ZNF436: variants seen among roughly 807,000 people sequenced by gnomAD.
ZNF436 encodes the protein DNA-binding protein.
A neutral mutation model predicts 41.9 loss-of-function variants in ZNF436; 22 were observed. The observed-to-expected ratio is 0.53, with a 90% CI of 0.38 to 0.75. ZNF436 has a LOEUF of 0.75. Among genes scored for constraint, ZNF436 ranks in the 30% least tolerant of loss-of-function variants. ZNF436 has a pLI of 0.00. For synonymous variants in ZNF436, 217 were observed against 197.8 expected (o/e 1.10, Z -0.82); for missense variants, 506 against 587.3 (o/e 0.86, Z 1.43).
intron 3 of ZNF436, among the ~76,000 whole-genome samples, chr1:23,363,736 GATTC>G (rs1225840692): frequency 6.6e-6 from 1 of 152,130 alleles, no homozygotes; most frequent in Non-Finnish European, 1.5e-5. Context: ...TGTAATTAAT[GATTC>G]ATTAAGAAAA....
In ZNF436 at chr1:23,367,045, G is replaced by A; in HGVS notation, c.157C>T (p.Leu53=). 1.9e-6 allele frequency: 3 copies of A among 1,613,042 alleles called. No homozygotes were observed. Among genetic ancestry groups the A allele is most frequent in the Non-Finnish European group, 2.5e-6 (3 of 1,179,596 alleles). Residue 53 remains leucine (L), a synonymous_variant, in exon 3 of 4, where the codon CTA becomes TTA. Coordinates refer to ENST00000314011, the MANE Select transcript of ZNF436 (RefSeq NM_001077195.2). ...GAAAGGTAGAATCCTTACTTACCTA[G>A]TGAGACAACATTTCCATAATTCTCC... is the stretch of plus-strand genomic sequence containing the variant. ...MQENYGNVVS[L]DFEIRSENEV... is the part of the protein sequence containing the mutation.
In ZNF436 at chr1:23,369,579, G is replaced by T. The variant is rs1221545498; in HGVS notation, c.-274C>A. 1.9e-6 allele frequency: 1 copy of T among 532,734 alleles called. No individual in the cohort carries two copies. Among genetic ancestry groups the T allele is most frequent in the Non-Finnish European group, 3.9e-6 (1 of 258,358 alleles). The allele number at this position is 532,734 out of a possible 1,614,324, so 33.0% of individuals were successfully genotyped here. On this transcript the variant is annotated 5_prime_UTR_variant, in exon 1 of 4. The change creates a new upstream start codon in the 5' untranslated region. Transcript: ENST00000314011. ...ATCGTAGGCTGATCCTAAAGACTCA[G>T]ATTCCCGAGGCCTCAGACTCGCAGG...
In ZNF436 at chr1:23,369,758, A is replaced by G. The variant is rs1482212231; in HGVS notation, c.-453T>C. On this transcript the variant is annotated 5_prime_UTR_variant, in exon 1 of 4. Transcript: ENST00000314011. Reference sequence around the variant, plus strand: ...CCAGCCAGGATGAGGGAATTAGACAATGGAAGTCGAGCACTGGGGAAAGCA... The same window carrying G: ...CCAGCCAGGATGAGGGAATTAGACAGTGGAAGTCGAGCACTGGGGAAAGCA... 4 of 359,384 alleles carry G rather than the reference A, an allele frequency of 1.1e-5. No individual in the cohort carries two copies. Among genetic ancestry groups the G allele is most frequent in the African/African-American group, 8.6e-5 (4 of 46,662 alleles). 22.3% of individuals were successfully genotyped at this position (359,384 alleles called of 1,614,324 possible).
chr1:23,359,500 C>T lies in ZNF436; in HGVS notation c.*2469G>A, dbSNP rs1392611180. 3.3e-5 allele frequency: 5 copies of T among 152,130 alleles called. No homozygotes were observed. The highest frequency in any genetic ancestry group is 1.2e-4 in the African/African-American group (5 of 41,408). 9.4% of individuals were successfully genotyped at this position (152,130 alleles called of 1,614,324 possible). A position where few individuals can be genotyped will look rare whatever the true frequency, so the allele number is the denominator to read the frequency against. On this transcript the variant is annotated 3_prime_UTR_variant, in exon 4 of 4. Coordinates refer to ENST00000314011, the MANE Select transcript of ZNF436 (RefSeq NM_001077195.2). ...TAGAATATTGTTAGAATAATACAAACACTAGGATAACTGTGACCAATACCA... is the reference window on the plus strand; with the variant it reads ...TAGAATATTGTTAGAATAATACAAATACTAGGATAACTGTGACCAATACCA...
rs1252915134 is a variant in ZNF436 at position 23,360,505 on chromosome 1, C to G, written c.*1464G>C. On this transcript the variant is annotated 3_prime_UTR_variant, in exon 4 of 4. Transcript: ENST00000314011. Reference sequence around the variant, plus strand: ...CACTTGAGATATTTCTTAATTCCTACCTGGACTGAGATTAGGAAAACTGAC... The same window carrying G: ...CACTTGAGATATTTCTTAATTCCTAGCTGGACTGAGATTAGGAAAACTGAC... 1 of 152,172 alleles carries G rather than the reference C, an allele frequency of 6.6e-6. No homozygotes were observed. Among genetic ancestry groups the G allele is most frequent in the African/African-American group, 2.4e-5 (1 of 41,430 alleles). The allele number at this position is 152,172 out of a possible 1,614,324, so 9.4% of individuals were successfully genotyped here. A position where few individuals can be genotyped will look rare whatever the true frequency, so the allele number is the denominator to read the frequency against.
intron 3 of ZNF436, among the ~76,000 whole-genome samples, chr1:23,364,796 T>A (rs1638323113): frequency 6.6e-6 from 1 of 152,210 alleles, no homozygotes. Flanking sequence ...GACACTGCAT[T>A]CTCCAAATTG....
chr1:23,361,963 T>C lies in ZNF436; in HGVS notation c.*6A>G, dbSNP rs373012530. On this transcript the variant is annotated 3_prime_UTR_variant, in exon 4 of 4. Coordinates refer to ENST00000314011, the MANE Select transcript of ZNF436 (RefSeq NM_001077195.2). ...TGAATCATTTCTCAGCCATCATAATTACAGCTTAGTCCGTATGAACTCTCT... is the reference window on the plus strand; with the variant it reads ...TGAATCATTTCTCAGCCATCATAATCACAGCTTAGTCCGTATGAACTCTCT... 8 of 1,564,244 alleles carry C rather than the reference T, an allele frequency of 5.1e-6. No homozygotes were observed. The highest frequency in any genetic ancestry group is 6.9e-6 in the Non-Finnish European group (8 of 1,156,870).
rs911989299 is a variant in ZNF436 at position 23,367,032 on chromosome 1, CCTTA to C, written c.160+6_160+9del. The C allele has an allele frequency of 6.2e-7, 1 of 1,607,284 alleles. No individual in the cohort carries two copies. The highest frequency in any genetic ancestry group is 8.5e-7 in the Non-Finnish European group (1 of 1,177,582). The stretch of plus-strand genomic sequence containing the variant: ...ACGTGGAGGCAAAGAAAGGTAGAAT[CCTTA>C]CTTACCTAGTGAGACAACATTTCCA... On this transcript the variant is annotated splice_donor_region_variant and intron_variant, in intron 3 of 3. Coordinates refer to ENST00000314011, the MANE Select transcript of ZNF436 (RefSeq NM_001077195.2).
chr1:23,363,867 C>T (rs547201738), intron 3 of ZNF436, among the ~76,000 whole-genome samples: 1 of 152,120 alleles, frequency 6.6e-6, no homozygotes, highest in South Asian at 2.1e-4. Context: ...TAGGGAGAAC[C>T]CATCTCTACA....
In ZNF436 at chr1:23,367,228, A is replaced by T. The variant is rs532971079; in HGVS notation, c.34-60T>A. ...TTTAGGACTTCTTGAAATTAGAAAC[A>T]TGATTAGAAATATTCAGGAGGAAAA... On this transcript the variant is annotated intron_variant, in intron 2 of 3. Coordinates refer to ENST00000314011, the MANE Select transcript of ZNF436 (RefSeq NM_001077195.2). 3.4e-5 allele frequency: 52 copies of T among 1,508,736 alleles called. No individual in the cohort carries two copies. In the African/African-American group the frequency reaches 6.9e-4, roughly 20 times the overall value. 93.5% of individuals were successfully genotyped at this position (1,508,736 alleles called of 1,614,324 possible).
In ZNF436 at chr1:23,360,612, A is replaced by C. The variant is rs550228858; in HGVS notation, c.*1357T>G. 6.5e-6 allele frequency: 1 copy of C among 152,674 alleles called. No homozygotes were observed. The highest frequency in any genetic ancestry group is 2.1e-4 in the South Asian group (1 of 4,828). 9.5% of individuals were successfully genotyped at this position (152,674 alleles called of 1,614,324 possible). ...GGAGGATGGAAATACATTCCTACCG[A>C]GGTTCGTTAATTCCTTCTGACTAAG... On this transcript the variant is annotated 3_prime_UTR_variant, in exon 4 of 4. Transcript: ENST00000314011.
In ZNF436 at chr1:23,367,079, A is replaced by T; in HGVS notation, c.123T>A (p.Asp41Glu). ...CATTTCCATAATTCTCCTGCATAAC[A>T]TCCCGGTAAAGGTCCCTCTGTGCAG... ...LDAAQRDLYRDVMQENYGNVV... is the reference protein window; with the variant it reads ...LDAAQRDLYREVMQENYGNVV... Residue 41 changes from aspartate to glutamate, a missense_variant, in exon 3 of 4, where the codon GAT becomes GAA. Asp to Glu is a conservative substitution (Grantham distance 45). Transcript: ENST00000314011. The T allele has an allele frequency of 3.1e-6, 5 of 1,613,958 alleles. No individual in the cohort carries two copies. The highest frequency in any genetic ancestry group is 4.2e-6 in the Non-Finnish European group (5 of 1,179,918).
At chr1:23,367,294 A>G in intron 2 of ZNF436, 126 bp from the exon 3 acceptor site, 6 of 1,153,212 alleles carry the variant, frequency 5.2e-6, no homozygotes, top group Non-Finnish European at 7.0e-6. Context: ...TAAGAAATAA[A>G]CAAGCAAAAA....
chr1:23,362,342 G>A lies in ZNF436; in HGVS notation c.1040C>T (p.Ser347Leu), dbSNP rs1638257441. Residue 347 changes from serine (S) to leucine (L), a missense_variant, in exon 4 of 4, where the codon TCA becomes TTA. Transcript: ENST00000314011. Reference sequence around the variant, plus strand: ...AGTTCTCTGGTGCTGAACCAAGTGTGAGATGCGGCTGAAATTTTCCCCACA... The same window carrying A: ...AGTTCTCTGGTGCTGAACCAAGTGTAAGATGCGGCTGAAATTTTCCCCACA... ...NECGENFSRI[S>L]HLVQHQRTHT... 1 of 1,614,020 alleles carries A rather than the reference G, an allele frequency of 6.2e-7. No individual in the cohort carries two copies. Among genetic ancestry groups the A allele is most frequent in the Non-Finnish European group, 8.5e-7 (1 of 1,180,018 alleles).
At chr1:23,367,626 ACACTACAG>A (rs1638390541) in intron 2 of ZNF436, among the ~76,000 whole-genome samples, 1 of 152,146 alleles carries the variant, frequency 6.6e-6, no homozygotes, top group Non-Finnish European at 1.5e-5. Context: ...AGTGATTCCC[ACACTACAG>A]CACTTTGTTC....
chr1:23,368,152 A>G, intron 1 of ZNF436, 87 bp from the exon 2 acceptor site: 1 of 893,084 alleles, frequency 1.1e-6, no homozygotes, highest in East Asian at 2.7e-5. Context: ...CAAGGCGGGC[A>G]GGGAGGGCCC....
At chr1:23,368,126 G>T in intron 1 of ZNF436, 61 bp from the exon 2 acceptor site, 2 of 1,171,868 alleles carry the variant, frequency 1.7e-6, no homozygotes. Flanking sequence ...ACTCCCCAGG[G>T]CTGGAGTTCT....
In ZNF436 at chr1:23,369,153, T is replaced by C; in HGVS notation, c.-61+213A>G. 2 of 352,680 alleles carry C rather than the reference T, an allele frequency of 5.7e-6. 1 individual carries two copies. 21.8% of individuals were successfully genotyped at this position (352,680 alleles called of 1,614,324 possible). A position where few individuals can be genotyped will look rare whatever the true frequency, so the allele number is the denominator to read the frequency against. On this transcript the variant is annotated intron_variant, in intron 1 of 3. Transcript: ENST00000314011. ...GAAGCGGGTGGCGGTGTAGGGCGTGTAAGGAGGAGATAGCCAGGCCCCTGC... is the reference window on the plus strand; with the variant it reads ...GAAGCGGGTGGCGGTGTAGGGCGTGCAAGGAGGAGATAGCCAGGCCCCTGC...
chr1:23,367,265 G>T, intron 2 of ZNF436, 97 bp from the exon 3 acceptor site: 1 of 1,332,594 alleles, frequency 7.5e-7, no homozygotes. Context: ...TATATTAAAT[G>T]TGACCTATAG....
Sources: allele counts gnomAD v4.1 joint callset (sites outside exome capture counted in the v4.1 genomes callset), GRCh38; gene constraint gnomAD v4.1.1; transcripts MANE v1.5; gene names NCBI Gene and HGNC (gene_info 2026-07-23, HGNC 2026-07-21).